Variants in SHISA9 observed in about 807,000 individuals in gnomAD.
The protein encoded by SHISA9 is shisa family member 9, also known as protein shisa-9.
In SHISA9, 13 loss-of-function variants were observed where a neutral mutation model predicts 38.0. The ratio of observed to expected loss-of-function variants is 0.34; its 90% confidence interval spans 0.22 to 0.54. The LOEUF (loss-of-function observed/expected upper bound fraction) is 0.54, where lower values mean the gene tolerates loss of function less well. Among genes scored for constraint, SHISA9 ranks in the 20% least tolerant of loss-of-function variants. The probability of loss-of-function intolerance (pLI) is 0.91; values close to 1 mark genes in which losing one functional copy is unlikely to be tolerated. For synonymous variants in SHISA9, 275 were observed against 242.0 expected (o/e 1.14, Z -1.27); for missense variants, 538 against 575.8 (o/e 0.93, Z 0.67).
chr16:13,351,879 G>A, the SHISA9 span, among the ~76,000 whole-genome samples: 1 of 152,216 alleles, frequency 6.6e-6, no homozygotes, highest in South Asian at 2.1e-4. Context: ...GGGAACTGTA[G>A]TATGATAGCA....
intron 2 of SHISA9, among the ~76,000 whole-genome samples, chr16:12,991,269 A>G (rs2072382800): frequency 6.6e-6 from 1 of 152,018 alleles, no homozygotes; most frequent in African/African-American, 2.4e-5. Flanking sequence ...CTTTTTTTGT[A>G]TTTCAAAGGC....
the SHISA9 span, among the ~76,000 whole-genome samples, chr16:13,302,794 G>A: frequency 8.5e-5 from 13 of 152,234 alleles, no homozygotes; most frequent in Non-Finnish European, 1.3e-4. Flanking sequence ...CCCATGTGTC[G>A]AGGGAGGGAC....
At chr16:13,447,572 C>A in the SHISA9 span, among the ~76,000 whole-genome samples, 67 of 152,294 alleles carry the variant, frequency 4.4e-4, no homozygotes, top group African/African-American at 1.5e-3. Context: ...CCAGGAGTGT[C>A]CAGCACCCAG....
chr16:13,306,069 C>CATTAATGAAGGATTCCAG, the SHISA9 span, among the ~76,000 whole-genome samples: 99 of 152,222 alleles, frequency 6.5e-4, no homozygotes, highest in Middle Eastern at 6.8e-3. Context: ...GGAGATTCAA[C>CATTAATGAAGGATTCCAG]ATTAATGAAG....
intron 4 of SHISA9, among the ~76,000 whole-genome samples, 191 bp downstream of exon 4, chr16:13,213,491 G>A (rs2051139722): frequency 1.3e-5 from 2 of 152,090 alleles, no homozygotes. Context: ...TGTGCATCTA[G>A]CAATTGTTGG....
chr16:13,547,691 T>C, the SHISA9 span, among the ~76,000 whole-genome samples: 5 of 152,162 alleles, frequency 3.3e-5, no homozygotes, highest in African/African-American at 1.2e-4. Flanking sequence ...TAATCTCTTT[T>C]GGAAAAACTC....
chr16:12,999,059 T>A (rs141334962), intron 2 of SHISA9, among the ~76,000 whole-genome samples: 1 of 152,190 alleles, frequency 6.6e-6, no homozygotes, highest in Non-Finnish European at 1.5e-5. Context: ...TTATTTGGTA[T>A]ATATTATTGG....
chr16:13,547,419 G>T, the SHISA9 span, among the ~76,000 whole-genome samples: 2 of 152,144 alleles, frequency 1.3e-5, no homozygotes, highest in Non-Finnish European at 2.9e-5. Context: ...GGAAGGAAAA[G>T]AAGTCCCACA....
chr16:13,266,009 G>A, the SHISA9 span, among the ~76,000 whole-genome samples: 1 of 152,166 alleles, frequency 6.6e-6, no homozygotes, highest in African/African-American at 2.4e-5. Context: ...ATTGAATTTT[G>A]CTCATCAGAC....
intron 2 of SHISA9, among the ~76,000 whole-genome samples, chr16:12,934,224 C>A (rs2141747459): frequency 6.6e-6 from 1 of 152,250 alleles, no homozygotes; most frequent in East Asian, 1.9e-4. Flanking sequence ...TGATTATAGA[C>A]TATAGCTAGA....
chr16:13,420,980 C>T, the SHISA9 span, among the ~76,000 whole-genome samples: 584 of 152,300 alleles, frequency 3.8e-3, 15 homozygotes, highest in Admixed American at 0.036. Context: ...CCAACTTGGA[C>T]TCTTCACACA....
intron 2 of SHISA9, among the ~76,000 whole-genome samples, chr16:13,071,121 A>G (rs1452336932): frequency 6.6e-6 from 1 of 152,122 alleles, no homozygotes; most frequent in African/African-American, 2.4e-5. Flanking sequence ...TTGCACAACA[A>G]TGTGAATGTA....
At chr16:12,958,175 A>G (rs1050489036) in intron 2 of SHISA9, among the ~76,000 whole-genome samples, 4 of 152,254 alleles carry the variant, frequency 2.6e-5, no homozygotes, top group African/African-American at 9.6e-5. Flanking sequence ...GCTTCCAAGG[A>G]GCATTGTTTG....
chr16:13,395,750 A>G, the SHISA9 span, among the ~76,000 whole-genome samples: 1 of 152,224 alleles, frequency 6.6e-6, no homozygotes, highest in South Asian at 2.1e-4. Context: ...GAGGGAGTCG[A>G]TAAATATTTG....
At chr16:12,997,427 T>A (rs1190872156) in intron 2 of SHISA9, among the ~76,000 whole-genome samples, 2 of 150,976 alleles carry the variant, frequency 1.3e-5, no homozygotes, top group Non-Finnish European at 3.0e-5. Flanking sequence ...TTTTTTTTTT[T>A]AGACAGTCTC....
rs1375506325 is a variant in SHISA9 at position 13,076,268 on chromosome 16, C to T, written c.692-127126C>T. On this transcript the variant is annotated intron_variant, in intron 2 of 4. Transcript: ENST00000558583. The stretch of plus-strand genomic sequence containing the variant: ...CTGGTCTCAAACTCCTGACCTCAGG[C>T]GATCTGCCCAACTCAGCCTCCCAAA... Among the ~76,000 whole-genome samples the T allele has an allele frequency of 4.6e-5, 7 of 152,032 alleles. No homozygotes were observed. The South Asian group carries it at 6.2e-4, about 14-fold the overall frequency.
At chr16:13,548,611 C>G in the SHISA9 span, among the ~76,000 whole-genome samples, 1 of 152,106 alleles carries the variant, frequency 6.6e-6, no homozygotes, top group Admixed American at 6.5e-5. Flanking sequence ...TTTTTAGATG[C>G]TCAACATCAT....
intron 2 of SHISA9, among the ~76,000 whole-genome samples, chr16:12,949,840 C>A (rs2071732439): frequency 6.6e-6 from 1 of 152,148 alleles, no homozygotes; most frequent in African/African-American, 2.4e-5. Context: ...TCCATCACCT[C>A]AAACATTTAT....
the SHISA9 span, among the ~76,000 whole-genome samples, chr16:13,423,779 T>G: frequency 2.6e-5 from 4 of 152,190 alleles, no homozygotes. Flanking sequence ...TTCAGACTGT[T>G]GAATTCAGTT....
Sources: gnomAD v4.1 joint callset for allele counts (sites outside exome capture counted in the v4.1 genomes callset) on GRCh38, gnomAD v4.1.1 for gene constraint, MANE v1.5 for transcripts, NCBI Gene and HGNC (gene_info 2026-07-23, HGNC 2026-07-21) for gene names.